Variants in FRA10AC1 observed in about 807,000 individuals in gnomAD.
The protein encoded by FRA10AC1 is FRA10A associated CGG repeat 1.
A neutral mutation model predicts 56.5 loss-of-function variants in FRA10AC1; 43 were observed. That is an observed-to-expected ratio of 0.76 (90% CI 0.60 to 0.98). The LOEUF (loss-of-function observed/expected upper bound fraction) is 0.98, where lower values mean the gene tolerates loss of function less well. Among genes scored for constraint, FRA10AC1 ranks in the 50% least tolerant of loss-of-function variants. The pLI is 0.00. For synonymous variants in FRA10AC1, 112 were observed against 110.5 expected (o/e 1.01, Z -0.09); for missense variants, 346 against 351.8 (o/e 0.98, Z 0.13).
intron 7 of FRA10AC1, among the ~76,000 whole-genome samples, chr10:93,688,956 T>G (rs1014322230): frequency 3.9e-5 from 6 of 152,224 alleles, no homozygotes; most frequent in African/African-American, 1.4e-4. Flanking sequence ...TCTTCATGTA[T>G]AAAAATGGAA....
chr10:93,698,342 T>C lies in FRA10AC1; in HGVS notation c.132A>G (p.Gly44=). 6.2e-7 allele frequency: 1 copy of C among 1,612,210 alleles called. No homozygotes were observed. Among genetic ancestry groups the C allele is most frequent in the East Asian group, 2.2e-5 (1 of 44,768 alleles). Reference sequence around the variant, plus strand: ...CTGCAACTTGTTTATGGGCCACCTTTCCATGTTTTTCTTTCTGAAATGGTT... The same window carrying C: ...CTGCAACTTGTTTATGGGCCACCTTCCCATGTTTTTCTTTCTGAAATGGTT... ...LQKPFQKEKH[G]KVAHKQVAAE... The change falls in exon 3 of 14, where the codon GGA becomes GGG. Residue 44 remains glycine, a synonymous_variant. Coordinates refer to ENST00000359204, the MANE Select transcript of FRA10AC1 (RefSeq NM_145246.5).
In FRA10AC1 at chr10:93,669,888, T is replaced by C. The variant is rs1359220721; in HGVS notation, c.906-20A>G. The C allele has an allele frequency of 1.4e-6, 2 of 1,414,188 alleles. No homozygotes were observed. Among genetic ancestry groups the C allele is most frequent in the Admixed American group, 1.9e-5 (1 of 53,918 alleles). The allele number at this position is 1,414,188 out of a possible 1,614,324, so 87.6% of individuals were successfully genotyped here. ...TCTTCCCTATTTAAAAAAAAAAGCA[T>C]ACTTAAGATCAATAGAGTAAAAAAA... On this transcript the variant is annotated intron_variant, in intron 13 of 13. Coordinates refer to ENST00000359204, the MANE Select transcript of FRA10AC1 (RefSeq NM_145246.5).
At chr10:93,701,837 G>C (rs2059338210) in intron 1 of FRA10AC1, among the ~76,000 whole-genome samples, 1 of 152,034 alleles carries the variant, frequency 6.6e-6, no homozygotes, top group Admixed American at 6.6e-5. Flanking sequence ...CAGCCTACTA[G>C]ATTTCACTGC....
At chr10:93,680,050 C>T (rs1047670659) in intron 11 of FRA10AC1, among the ~76,000 whole-genome samples, 8 of 152,106 alleles carry the variant, frequency 5.3e-5, no homozygotes, top group Non-Finnish European at 1.2e-4. Context: ...ACGCATAATA[C>T]GAAGGGTCCA....
intron 8 of FRA10AC1, among the ~76,000 whole-genome samples, chr10:93,687,185 T>G (rs2059044145): frequency 6.6e-6 from 1 of 151,974 alleles, no homozygotes; most frequent in Admixed American, 6.6e-5. Context: ...ATGCAGAACA[T>G]TCAACTGAAT....
chr10:93,673,553 T>A, intron 12 of FRA10AC1: 1 of 359,288 alleles, frequency 2.8e-6, no homozygotes, highest in Admixed American at 3.8e-5. Context: ...ATATGGTAAC[T>A]AATAACTTGC....
In FRA10AC1 at chr10:93,681,539, G is replaced by A; in HGVS notation, c.728C>T (p.Ser243Leu). 2 of 1,577,314 alleles carry A rather than the reference G, an allele frequency of 1.3e-6. No homozygotes were observed. The highest frequency in any genetic ancestry group is 1.7e-6 in the Non-Finnish European group (2 of 1,165,602). Residue 243 changes from serine (S) to leucine (L), a missense_variant, in exon 11 of 14, where the codon TCA becomes TTA. Physicochemically the swap from Ser to Leu is moderately radical, Grantham distance 145 (BLOSUM62 -2). Coordinates refer to ENST00000359204, the MANE Select transcript of FRA10AC1 (RefSeq NM_145246.5). The stretch of plus-strand genomic sequence containing the variant: ...AGATAATCTGGATTTTTTATGTGAT[G>A]ACTCTTCACAGTCTTTTTTGGTTTT... ...KDKTKKDCEE[S>L]SHKKSRLSSA...
chr10:93,683,595 C>T (rs865915306), intron 10 of FRA10AC1, among the ~76,000 whole-genome samples: 2 of 152,276 alleles, frequency 1.3e-5, no homozygotes, highest in Admixed American at 6.5e-5. Flanking sequence ...AAGTGATCCA[C>T]CCAAACTGGC....
chr10:93,669,034 C>T lies in FRA10AC1; in HGVS notation c.*792G>A, dbSNP rs1188910173. 6.6e-6 allele frequency: 1 copy of T among 152,002 alleles called. No individual in the cohort carries two copies. The highest frequency in any genetic ancestry group is 1.5e-5 in the Non-Finnish European group (1 of 68,022). 9.4% of individuals were successfully genotyped at this position (152,002 alleles called of 1,614,324 possible). On this transcript the variant is annotated 3_prime_UTR_variant, in exon 14 of 14. Transcript: ENST00000359204. ...TAGACTACTGGGACCTCACTGGCTC[C>T]CTGTGGTAATAATTTACTTAATAGT...
At chr10:93,676,618 T>C (rs769922831) in intron 12 of FRA10AC1, 35 bp downstream of exon 12, 2 of 1,538,012 alleles carry the variant, frequency 1.3e-6, no homozygotes, top group East Asian at 2.4e-5. Context: ...ATACCTCAAA[T>C]GCATATTTTT....
chr10:93,700,277 A>G (rs1157840994), intron 1 of FRA10AC1, among the ~76,000 whole-genome samples, 171 bp from the exon 2 acceptor site: 5 of 152,240 alleles, frequency 3.3e-5, no homozygotes, highest in African/African-American at 4.8e-5. Context: ...TCGCTTTTAA[A>G]TAAGAGACAT....
chr10:93,698,113 A>C (rs2059262966), intron 4 of FRA10AC1, 23 bp downstream of exon 4: 1 of 1,407,430 alleles, frequency 7.1e-7, no homozygotes, highest in Middle Eastern at 1.9e-4. Context: ...AGTTATAAAA[A>C]TCTGGAAATA....
At chr10:93,669,890 C>T (rs139454370) in intron 13 of FRA10AC1, 22 bp from the exon 14 acceptor site, 3 of 1,396,406 alleles carry the variant, frequency 2.1e-6, no homozygotes, top group South Asian at 2.5e-5. Context: ...AAAAAGCATA[C>T]TTAAGATCAA....
At chr10:93,688,227 C>T (rs1589722878) in intron 7 of FRA10AC1, among the ~76,000 whole-genome samples, 2 of 151,978 alleles carry the variant, frequency 1.3e-5, no homozygotes, top group Admixed American at 1.3e-4. Context: ...AACTTAAGTA[C>T]ATATTACAAA....
chr10:93,670,507 A>T (rs1402221936), intron 13 of FRA10AC1, among the ~76,000 whole-genome samples: 3 of 152,150 alleles, frequency 2.0e-5, no homozygotes, highest in Non-Finnish European at 4.4e-5. Context: ...CTTAGGAAAC[A>T]GCCATCTCTG....
At chr10:93,676,891 T>G (rs2058851965) in intron 11 of FRA10AC1, among the ~76,000 whole-genome samples, 200 bp from the exon 12 acceptor site, 1 of 152,148 alleles carries the variant, frequency 6.6e-6, no homozygotes, top group Non-Finnish European at 1.5e-5. Flanking sequence ...AGATCATATC[T>G]TATGTGCTCA....
intron 8 of FRA10AC1, among the ~76,000 whole-genome samples, chr10:93,686,766 T>G (rs536162992): frequency 6.6e-6 from 1 of 151,860 alleles, no homozygotes; most frequent in Non-Finnish European, 1.5e-5. Context: ...TTCAGTACTT[T>G]AACACTTAAA....
In FRA10AC1 at chr10:93,696,758, G is replaced by A. The variant is rs551655524; in HGVS notation, c.219+1378C>T. On this transcript the variant is annotated intron_variant, in intron 4 of 13. Coordinates refer to ENST00000359204, the MANE Select transcript of FRA10AC1 (RefSeq NM_145246.5). Reference sequence around the variant, plus strand: ...AGAAAATGTGGTACATATACACCATGGAATACTATGCAACCACAAAAAGGA... The same window carrying A: ...AGAAAATGTGGTACATATACACCATAGAATACTATGCAACCACAAAAAGGA... 1.4e-3 allele frequency among the ~76,000 whole-genome samples: 207 copies of A among 152,314 alleles called. 1 individual carries two copies. Among genetic ancestry groups the A allele is most frequent in the Non-Finnish European group, 2.1e-3 (146 of 68,032 alleles).
intron 1 of FRA10AC1, 48 bp from the exon 2 acceptor site, chr10:93,700,154 G>T: frequency 2.9e-6 from 3 of 1,043,470 alleles, no homozygotes; most frequent in Non-Finnish European, 4.4e-6. Flanking sequence ...GTTGCCAATT[G>T]TCCAGGAAAC....
Sources: gnomAD v4.1 joint callset for allele counts (sites outside exome capture counted in the v4.1 genomes callset) on GRCh38, gnomAD v4.1.1 for gene constraint, MANE v1.5 for transcripts, NCBI Gene and HGNC (gene_info 2026-07-23, HGNC 2026-07-21) for gene names.